The following NFILZ variants were observed in gnomAD, a reference collection of about 807,000 sequenced individuals.
The protein encoded by NFILZ is NFIL3 like protein.
chr19:8,650,679 A>C (rs2042961286), intron 3 of NFILZ, among the ~76,000 whole-genome samples: 1 of 151,712 alleles, frequency 6.6e-6, no homozygotes, highest in Non-Finnish European at 1.5e-5. Flanking sequence ...AGAAGAAAGA[A>C]ATAGAAATAA....
intron 1 of NFILZ, among the ~76,000 whole-genome samples, chr19:8,632,061 G>A (rs563649889): frequency 6.6e-6 from 1 of 152,100 alleles, no homozygotes; most frequent in Non-Finnish European, 1.5e-5. Flanking sequence ...TAGAGATGGG[G>A]TTGCACCATG....
chr19:8,673,406 G>T lies in NFILZ; in HGVS notation c.-163-1145G>T, dbSNP rs546833002. Among the ~76,000 whole-genome samples the T allele has an allele frequency of 7.2e-5, 11 of 152,314 alleles. No homozygotes were observed. The South Asian group carries it at 2.3e-3, about 32-fold the overall frequency. The stretch of plus-strand genomic sequence containing the variant: ...CAGCTGCAGGAAATTGCAAACCCAG[G>T]GCGTCCCGTCTGGCACCTGTGGACC... On this transcript the variant is annotated intron_variant, in intron 3 of 5. Transcript: ENST00000691075.
chr19:8,647,983 T>A (rs1157785357), intron 3 of NFILZ, among the ~76,000 whole-genome samples: 1 of 151,218 alleles, frequency 6.6e-6, no homozygotes, highest in Non-Finnish European at 1.5e-5. Flanking sequence ...CCATCCTGGC[T>A]AACACGGTGA....
rs1046570534 is a variant in NFILZ, at chr19:8,678,857, G to A, written c.*1222G>A. 6.6e-6 allele frequency among the ~76,000 whole-genome samples: 1 copy of A among 152,206 alleles called. No individual in the cohort carries two copies. Among genetic ancestry groups the A allele is most frequent in the Non-Finnish European group, 1.5e-5 (1 of 68,032 alleles). On this transcript the variant is annotated 3_prime_UTR_variant, in exon 6 of 6. Transcript: ENST00000691075. ...TCTTTAGACCTTCCTTTTGTGCCCA[G>A]TTAGTGACAAGTGAGAAGACACTTT...
intron 3 of NFILZ, chr19:8,638,497 G>C (rs981155112): frequency 3.5e-4 from 54 of 152,302 alleles, no homozygotes; most frequent in African/African-American, 1.3e-3. Flanking sequence ...TTTCAGTGTG[G>C]ATTCATTCAT....
chr19:8,652,778 C>CT (rs1354658858), intron 3 of NFILZ, among the ~76,000 whole-genome samples: 1 of 151,544 alleles, frequency 6.6e-6, no homozygotes, highest in Non-Finnish European at 1.5e-5. Flanking sequence ...TTTTTCCTTT[C>CT]TTTCTTTTCT....
At chr19:8,661,075 C>CCCTTCCTCCTT (rs2043028800) in intron 3 of NFILZ, among the ~76,000 whole-genome samples, 1 of 89,746 alleles carries the variant, frequency 1.1e-5, no homozygotes, top group Non-Finnish European at 2.2e-5. Context: ...CCCCCTCCCT[C>CCCTTCCTCCTT]CCTTCCTTCC....
chr19:8,663,724 G>GTGTGTGTGTGTGTA (rs1568423335), intron 3 of NFILZ, among the ~76,000 whole-genome samples: 1 of 75,612 alleles, frequency 1.3e-5, no homozygotes, highest in Non-Finnish European at 2.4e-5. Context: ...GTGTGTGTTT[G>GTGTGTGTGTGTGTA]TGTGTGTGTG....
chr19:8,671,465 T>C (rs2043086782), intron 3 of NFILZ, among the ~76,000 whole-genome samples: 1 of 152,046 alleles, frequency 6.6e-6, no homozygotes. Flanking sequence ...ACCACAGTGA[T>C]AACAAATTTT....
chr19:8,645,445 A>G (rs1270817342), intron 3 of NFILZ, among the ~76,000 whole-genome samples: 1 of 151,848 alleles, frequency 6.6e-6, no homozygotes, highest in Non-Finnish European at 1.5e-5. Flanking sequence ...TGGCTCCTAC[A>G]TTACTTTTTC....
intron 3 of NFILZ, among the ~76,000 whole-genome samples, chr19:8,645,173 G>A (rs557885235): frequency 2.3e-4 from 35 of 151,962 alleles, no homozygotes; most frequent in South Asian, 1.2e-3. Flanking sequence ...CTTGTCTGTC[G>A]CCCAGGCTGG....
intron 2 of NFILZ, among the ~76,000 whole-genome samples, chr19:8,632,913 G>C (rs553318722): frequency 6.6e-6 from 1 of 151,786 alleles, no homozygotes; most frequent in South Asian, 2.1e-4. Context: ...AGTAGAGACA[G>C]GGTTTCACCA....
chr19:8,645,300 A>ATTT (rs35280185), intron 3 of NFILZ, among the ~76,000 whole-genome samples: 1,320 of 118,042 alleles, frequency 0.011, 27 homozygotes, highest in African/African-American at 0.039. Context: ...CACCTGGGTG[A>ATTT]TTTTTTTTTT....
rs1374627617 is a variant in NFILZ at position 8,662,402 on chromosome 19, G to T, written c.-163-12149G>T. ...AGGAGAAAGACCTAAAGGAGGTGAGGGAGGAGCGATGTGAGTGTCTGGGGA... is the reference window on the plus strand; with the variant it reads ...AGGAGAAAGACCTAAAGGAGGTGAGTGAGGAGCGATGTGAGTGTCTGGGGA... On this transcript the variant is annotated intron_variant, in intron 3 of 5. Transcript: ENST00000691075. Among the ~76,000 whole-genome samples, 3 of 151,870 alleles carry T rather than the reference G, an allele frequency of 2.0e-5. No homozygotes were observed. In the East Asian group the frequency reaches 5.8e-4, roughly 29 times the overall value.
chr19:8,656,348 CCTCTTCCCTGAAGCCCACCTTCTCCCTGA>C (rs2042996597), intron 3 of NFILZ, among the ~76,000 whole-genome samples: 4 of 138,770 alleles, frequency 2.9e-5, no homozygotes, highest in African/African-American at 1.1e-4. Context: ...CTGAAGCCCA[CCTCTTCCCTGAAGCCCACCTTCTCCCTGA>C]AGCCCACCTT....
chr19:8,637,094 A>G (rs2042898143), intron 3 of NFILZ, among the ~76,000 whole-genome samples: 1 of 152,124 alleles, frequency 6.6e-6, no homozygotes, highest in Non-Finnish European at 1.5e-5. Flanking sequence ...GCAAGGCTGA[A>G]TGTGGTGGCT....
intron 3 of NFILZ, among the ~76,000 whole-genome samples, chr19:8,670,506 G>A (rs1225657711): frequency 2.6e-5 from 4 of 152,224 alleles, no homozygotes; most frequent in African/African-American, 4.8e-5. Flanking sequence ...ATGTGAGTGA[G>A]TGAATGAATG....
At chr19:8,653,418 A>T (rs2042978374) in intron 3 of NFILZ, among the ~76,000 whole-genome samples, 1 of 152,042 alleles carries the variant, frequency 6.6e-6, no homozygotes, top group Non-Finnish European at 1.5e-5. Context: ...TTTCATGATT[A>T]TTGCTGAAGA....
chr19:8,647,797 A>ACG (rs1245665792), intron 3 of NFILZ, among the ~76,000 whole-genome samples: 16 of 61,714 alleles, frequency 2.6e-4, no homozygotes, highest in South Asian at 4.9e-4. Flanking sequence ...GCGCGCGCGC[A>ACG]CACACACACA....
Sources: allele counts gnomAD v4.1 joint callset (sites outside exome capture counted in the v4.1 genomes callset), GRCh38; gene constraint gnomAD v4.1.1; transcripts MANE v1.5; gene names NCBI Gene and HGNC (gene_info 2026-07-23, HGNC 2026-07-21).